The following GABRB2 variants were observed in gnomAD, a reference collection of about 807,000 sequenced individuals.
GABRB2 encodes gamma-aminobutyric acid type A receptor subunit beta2, also known as gamma-aminobutyric acid receptor subunit beta-2.
GABRB2 carries 16 observed loss-of-function variants against 54.7 expected under a neutral mutation model. The ratio of observed to expected loss-of-function variants is 0.29; its 90% CI spans 0.20 to 0.44. The LOEUF is 0.44. GABRB2 is among the 20% of genes least tolerant of loss of function. The pLI is 1.00. For synonymous variants in GABRB2, 244 were observed against 233.8 expected, an observed-to-expected ratio of 1.04 and a Z score of -0.40; for missense variants, 355 against 644.0, an observed-to-expected ratio of 0.55 and a Z score of 4.86.
At chr5:161,356,941 G>A (rs1380304994) in intron 5 of GABRB2, among the ~76,000 whole-genome samples, 3 of 152,136 alleles carry the variant, frequency 2.0e-5, no homozygotes, top group African/African-American at 7.2e-5. Flanking sequence ...TATGTGCCAG[G>A]CACTGCACTT....
At chr5:161,467,330 A>T (rs1581010522) in intron 3 of GABRB2, among the ~76,000 whole-genome samples, 1 of 152,222 alleles carries the variant, frequency 6.6e-6, no homozygotes, top group East Asian at 1.9e-4. Context: ...TGTGTCTAAT[A>T]TACCATCATT....
intron 4 of GABRB2, among the ~76,000 whole-genome samples, chr5:161,435,486 AAGGTATAATTAT>A (rs1441022724): frequency 6.6e-6 from 1 of 152,196 alleles, no homozygotes; most frequent in African/African-American, 2.4e-5. Context: ...AGTATTTCTA[AAGGTATAATTAT>A]AGGATATTTT....
chr5:161,348,178 A>C (rs186692836), intron 5 of GABRB2, among the ~76,000 whole-genome samples: 1 of 152,208 alleles, frequency 6.6e-6, no homozygotes, highest in East Asian at 1.9e-4. Flanking sequence ...GGATTACAAA[A>C]TAATTTTATG....
intron 9 of GABRB2, among the ~76,000 whole-genome samples, chr5:161,298,788 T>C (rs564222913): frequency 6.6e-5 from 10 of 152,330 alleles, no homozygotes; most frequent in African/African-American, 2.4e-4. Context: ...TGAGTACAAT[T>C]AGAAGCCATA....
chr5:161,486,716 T>A (rs1758936957), intron 3 of GABRB2, among the ~76,000 whole-genome samples: 1 of 152,000 alleles, frequency 6.6e-6, no homozygotes, highest in South Asian at 2.1e-4. Flanking sequence ...TTCCCTCCCA[T>A]TCAGTTCTAT....
intron 4 of GABRB2, among the ~76,000 whole-genome samples, chr5:161,423,039 T>C (rs1580973202): frequency 6.6e-6 from 1 of 152,194 alleles, no homozygotes; most frequent in Non-Finnish European, 1.5e-5. Flanking sequence ...ATTCCATCTT[T>C]GAAAAGCTAT....
chr5:161,438,784 T>C (rs1012689037), intron 4 of GABRB2, among the ~76,000 whole-genome samples: 9 of 152,062 alleles, frequency 5.9e-5, no homozygotes, highest in Admixed American at 2.0e-4. Flanking sequence ...GGTCCCCTAA[T>C]AGCAGAATGG....
chr5:161,452,824 C>A (rs7703772), intron 4 of GABRB2, among the ~76,000 whole-genome samples: 23,414 of 152,010 alleles, frequency 0.15, 1,875 homozygotes, highest in East Asian at 0.2. Flanking sequence ...CGAAACCTCA[C>A]CTCTACAAAA....
At chr5:161,540,654 A>G (rs1203923314) in intron 3 of GABRB2, among the ~76,000 whole-genome samples, 3 of 152,200 alleles carry the variant, frequency 2.0e-5, no homozygotes, top group South Asian at 2.1e-4. Context: ...TACTTCTTAA[A>G]TAAGACTTGA....
intron 4 of GABRB2, among the ~76,000 whole-genome samples, chr5:161,458,897 A>T (rs1758042674): frequency 6.6e-6 from 1 of 152,200 alleles, no homozygotes; most frequent in African/African-American, 2.4e-5. Flanking sequence ...TGAAAATCTG[A>T]GTTTAGAATT....
chr5:161,441,164 A>T (rs1310577977), intron 4 of GABRB2, among the ~76,000 whole-genome samples: 2 of 152,194 alleles, frequency 1.3e-5, no homozygotes, highest in African/African-American at 4.8e-5. Context: ...CATTCAACAG[A>T]GTGAAGAGAC....
chr5:161,379,810 A>G (rs1335796330), intron 5 of GABRB2, among the ~76,000 whole-genome samples: 2 of 152,146 alleles, frequency 1.3e-5, no homozygotes, highest in African/African-American at 2.4e-5. Context: ...TGCAGCTTCC[A>G]GAAAGGGGAA....
At position 161,334,369 on chromosome 5, in the gene GABRB2, A is replaced by G. The variant is rs550173084; in HGVS notation, c.832+383T>C. On this transcript the variant is annotated intron_variant, in intron 7 of 9. Transcript: ENST00000393959. Reference sequence around the variant, plus strand: ...AATTCTTTCTGCTTATCCATTTGCTACACACAACATCTTCTTGTCTTTCAT... The same window carrying G: ...AATTCTTTCTGCTTATCCATTTGCTGCACACAACATCTTCTTGTCTTTCAT... 2.6e-5 allele frequency among the ~76,000 whole-genome samples: 4 copies of G among 152,304 alleles called. No individual in the cohort carries two copies. The East Asian group carries it at 7.7e-4, about 29-fold the overall frequency.
chr5:161,400,392 C>T (rs922142223), intron 5 of GABRB2, among the ~76,000 whole-genome samples: 2 of 152,108 alleles, frequency 1.3e-5, no homozygotes, highest in Non-Finnish European at 2.9e-5. Context: ...GGTACCTTTC[C>T]TGAGCCTAAA....
intron 8 of GABRB2, among the ~76,000 whole-genome samples, chr5:161,327,453 T>C (rs1384740136): frequency 6.6e-6 from 1 of 152,188 alleles, no homozygotes; most frequent in African/African-American, 2.4e-5. Flanking sequence ...GAAAAATCCA[T>C]ATCAGAACTT....
At chr5:161,447,178 G>A (rs1757658788) in intron 4 of GABRB2, among the ~76,000 whole-genome samples, 1 of 152,118 alleles carries the variant, frequency 6.6e-6, no homozygotes, top group Non-Finnish European at 1.5e-5. Context: ...CTATTTTACT[G>A]ATGAGGAAAC....
chr5:161,393,299 TAAAAAAAAAAAAAAAAAAAAAAAA>T (rs533308700), intron 5 of GABRB2, among the ~76,000 whole-genome samples: 565 of 40,332 alleles, frequency 0.014, 12 homozygotes, highest in South Asian at 0.095. Context: ...TTTAAAAATG[TAAAAAAAAAAAAAAAAAAAAAAAA>T]AAAAAAAAAA....
chr5:161,357,311 C>T (rs1754662108), intron 5 of GABRB2, among the ~76,000 whole-genome samples: 1 of 151,998 alleles, frequency 6.6e-6, no homozygotes, highest in Non-Finnish European at 1.5e-5. Flanking sequence ...AGAGGGCAGC[C>T]AGTGCAAAGG....
chr5:161,309,775 CGCCCGCCACTAT>C (rs1458037162), intron 9 of GABRB2, among the ~76,000 whole-genome samples: 1 of 151,298 alleles, frequency 6.6e-6, no homozygotes, highest in Non-Finnish European at 1.5e-5. Flanking sequence ...GGACTACAGG[CGCCCGCCACTAT>C]GCCCAACTAA....
Sources: gnomAD v4.1 joint callset for allele counts (sites outside exome capture counted in the v4.1 genomes callset) on GRCh38, gnomAD v4.1.1 for gene constraint, MANE v1.5 for transcripts, NCBI Gene and HGNC (gene_info 2026-07-23, HGNC 2026-07-21) for gene names.